Variants in ATR observed in about 807,000 individuals in gnomAD.
ATR encodes the protein serine/threonine-protein kinase ATR.
In ATR, 142 loss-of-function variants were observed where a neutral mutation model predicts 305.3. The ratio of observed to expected loss-of-function variants is 0.47; its 90% CI spans 0.41 to 0.53. ATR has a LOEUF of 0.53. Among genes scored for constraint, ATR ranks in the 20% least tolerant of loss-of-function variants. ATR has a pLI of 0.00. For synonymous variants in ATR, 1,050 were observed against 1,068.1 expected, an observed-to-expected ratio of 0.98 and a Z score of 0.33; for missense variants, 2,135 against 3,133.1, an observed-to-expected ratio of 0.68 and a Z score of 7.60.
chr3:142,513,529 A>T lies in ATR; in HGVS notation c.4613T>A (p.Leu1538Gln), dbSNP rs1023153463. The change falls in exon 26 of 47, where the codon CTG (leucine) becomes CAG (glutamine). Residue 1538 changes from leucine (L) to glutamine (Q), a missense_variant. By Grantham distance (113) the Leu-to-Gln change is moderately radical (BLOSUM62 -2). Around this residue, in one of 9 missense-constraint regions of ATR, gnomAD observed 202 missense variants for 252.9 expected, o/e 0.80. Transcript: ENST00000350721. ...LLPHILVYVLLGCNQEDQQEV... is the reference protein window; with the variant it reads ...LLPHILVYVLQGCNQEDQQEV... ...CTGCTGATCTTCTTGATTACAACCC[A>T]GTAAGACATACACCAGAATATGTGG... 6.2e-7 allele frequency: 1 copy of T among 1,613,606 alleles called. No individual in the cohort carries two copies. Among genetic ancestry groups the T allele is most frequent in the Non-Finnish European group, 8.5e-7 (1 of 1,179,640 alleles).
At chr3:142,485,661 T>C (rs1334313212) in intron 35 of ATR, among the ~76,000 whole-genome samples, 3 of 152,216 alleles carry the variant, frequency 2.0e-5, no homozygotes, top group African/African-American at 7.2e-5. Flanking sequence ...ATGAAAGGCA[T>C]TTTTAAAAAT....
At chr3:142,536,259 T>C in intron 19 of ATR, 58 bp from the exon 20 acceptor site, 1 of 1,277,980 alleles carries the variant, frequency 7.8e-7, no homozygotes, top group Non-Finnish European at 1.1e-6. Flanking sequence ...ACTAAAAAAA[T>C]GTAAAGTAAA....
chr3:142,572,009 GC>G (rs2035281279), intron 1 of ATR, among the ~76,000 whole-genome samples: 1 of 150,300 alleles, frequency 6.7e-6, no homozygotes, highest in Admixed American at 6.6e-5. Context: ...CAGGTAATCC[GC>G]CCGCCTCAGC....
chr3:142,497,252 T>C (rs2108337354), intron 32 of ATR, 60 bp from the exon 33 acceptor site: 8 of 1,534,310 alleles, frequency 5.2e-6, no homozygotes, highest in South Asian at 3.4e-5. Flanking sequence ...TAATCTCATA[T>C]ATAAAGCAAG....
In ATR at chr3:142,562,301, G is replaced by A. The variant is rs1236902469; in HGVS notation, c.1101C>T (p.Val367=). 1 of 1,614,022 alleles carries A rather than the reference G, an allele frequency of 6.2e-7. No homozygotes were observed. Among genetic ancestry groups the A allele is most frequent in the Admixed American group, 1.7e-5 (1 of 60,004 alleles). Residue 367 remains valine (V), a synonymous_variant, in exon 4 of 47, where the codon GTC becomes GTT. Transcript: ENST00000350721. Reference sequence around the variant, plus strand: ...AAATATTTCTCACATAGACCTTCCTGACTTGTAAAGCAGATTCATACCCAG... The same window carrying A: ...AAATATTTCTCACATAGACCTTCCTAACTTGTAAAGCAGATTCATACCCAG... ...VPAGYESALQ[V]RKVYVRNICK...
At chr3:142,510,489 C>T (rs1342588265) in intron 27 of ATR, among the ~76,000 whole-genome samples, 1 of 151,886 alleles carries the variant, frequency 6.6e-6, no homozygotes, top group Non-Finnish European at 1.5e-5. Flanking sequence ...AAAAAACAAA[C>T]ATTCAATAGT....
chr3:142,501,071 G>T (rs1227237887), intron 30 of ATR, among the ~76,000 whole-genome samples: 1 of 152,138 alleles, frequency 6.6e-6, no homozygotes, highest in Non-Finnish European at 1.5e-5. Flanking sequence ...AAAAATATTT[G>T]TTTAATGCAA....
In ATR at chr3:142,566,291, C is replaced by A. The variant is rs1158644318; in HGVS notation, c.152-30G>T. 6 of 1,609,104 alleles carry A rather than the reference C, an allele frequency of 3.7e-6. No individual in the cohort carries two copies. The South Asian group carries it at 4.4e-5, about 12-fold the overall frequency. ...AACAATAAGATTCATTTTAAAGAGTCATGACAAATTAAACAATGGTCCTTT... is the reference window on the plus strand; with the variant it reads ...AACAATAAGATTCATTTTAAAGAGTAATGACAAATTAAACAATGGTCCTTT... On this transcript the variant is annotated intron_variant, in intron 2 of 46. Transcript: ENST00000350721.
At chr3:142,450,955 C>T (rs542257184) in intron 46 of ATR, 1 of 1,206,780 alleles carries the variant, frequency 8.3e-7, no homozygotes, top group East Asian at 5.5e-5. Flanking sequence ...AAAGAAAAAC[C>T]CTTTGCAGAA....
At chr3:142,496,727 C>T (rs568034951) in intron 33 of ATR, among the ~76,000 whole-genome samples, 1 of 152,086 alleles carries the variant, frequency 6.6e-6, no homozygotes, top group Non-Finnish European at 1.5e-5. Context: ...CTTAACTTTT[C>T]TTACAGTGTT....
chr3:142,477,964 T>C (rs2030029632), intron 36 of ATR, among the ~76,000 whole-genome samples: 1 of 152,340 alleles, frequency 6.6e-6, no homozygotes, highest in South Asian at 2.1e-4. Flanking sequence ...ATTGCATCTA[T>C]TTGATTCTTC....
intron 33 of ATR, 137 bp from the exon 34 acceptor site, chr3:142,496,657 G>A (rs991537283): frequency 1.1e-6 from 1 of 873,978 alleles, no homozygotes; most frequent in Non-Finnish European, 1.8e-6. Flanking sequence ...TCCCAATACA[G>A]AACCTTCTTC....
chr3:142,550,405 T>C, intron 13 of ATR, 103 bp from the exon 14 acceptor site: 1 of 1,225,010 alleles, frequency 8.2e-7, no homozygotes, highest in Non-Finnish European at 1.2e-6. Flanking sequence ...GTATTCTACA[T>C]TATCTGAATT....
intron 21 of ATR, among the ~76,000 whole-genome samples, chr3:142,529,037 A>C (rs1482133809): frequency 6.7e-6 from 1 of 150,220 alleles, no homozygotes; most frequent in African/African-American, 2.5e-5. Flanking sequence ...GTGCGCCATC[A>C]TGCCTGGTTA....
chr3:142,459,054 A>G lies in ATR; in HGVS notation c.7407T>C (p.Tyr2469=), dbSNP rs775964355. 2.3e-5 allele frequency: 37 copies of G among 1,613,962 alleles called. No individual in the cohort carries two copies. The East Asian group carries it at 7.8e-4, about 34-fold the overall frequency. The change falls in exon 44 of 47, where the codon TAT becomes TAC. Residue 2469 remains tyrosine, a synonymous_variant. Coordinates refer to ENST00000350721, the MANE Select transcript of ATR (RefSeq NM_001184.4). ...RSTAVMSMVG[Y]ILGLGDRHGE... ...CATGACGGTCTCCAAGCCCCAGAATATAACCAACCATTGACATTACTGCAG... is the reference window on the plus strand; with the variant it reads ...CATGACGGTCTCCAAGCCCCAGAATGTAACCAACCATTGACATTACTGCAG...
intron 21 of ATR, among the ~76,000 whole-genome samples, chr3:142,532,639 T>C (rs1277501939): frequency 6.6e-6 from 1 of 152,250 alleles, no homozygotes; most frequent in Non-Finnish European, 1.5e-5. Context: ...TCTAATGCTA[T>C]ACCAGCGATC....
chr3:142,569,595 T>C (rs1273997814), intron 1 of ATR, among the ~76,000 whole-genome samples: 1 of 152,126 alleles, frequency 6.6e-6, no homozygotes, highest in Non-Finnish European at 1.5e-5. Flanking sequence ...GTGCTGGGAT[T>C]GTAGGCATGA....
At position 142,531,061 on chromosome 3, in the gene ATR, G is replaced by C. The variant is rs79772077; in HGVS notation, c.3945+4019C>G. Among the ~76,000 whole-genome samples, 36 of 152,222 alleles carry C rather than the reference G, an allele frequency of 2.4e-4. No homozygotes were observed. The East Asian group carries it at 6.0e-3, about 25-fold the overall frequency. Reference sequence around the variant, plus strand: ...ATGAGCTCCACAGATATCTCTGTTAGTTACAAGTAATTTGAAGTTCATAAT... The same window carrying C: ...ATGAGCTCCACAGATATCTCTGTTACTTACAAGTAATTTGAAGTTCATAAT... On this transcript the variant is annotated intron_variant, in intron 21 of 46. Transcript: ENST00000350721.
At chr3:142,487,348 G>A (rs947787792) in intron 35 of ATR, among the ~76,000 whole-genome samples, 13 of 152,202 alleles carry the variant, frequency 8.5e-5, no homozygotes, top group African/African-American at 3.1e-4. Flanking sequence ...TGTTTCCTAG[G>A]CTGGCCTTGA....
Sources: gnomAD v4.1 joint callset for allele counts (sites outside exome capture counted in the v4.1 genomes callset) on GRCh38, gnomAD v4.1.1 for gene constraint, gnomAD v4.1.1 regional missense constraint, MANE v1.5 for transcripts, NCBI Gene and HGNC (gene_info 2026-07-23, HGNC 2026-07-21) for gene names.